The following PTPDC1 variants were observed in gnomAD, a reference collection of about 807,000 sequenced individuals.
PTPDC1 encodes protein tyrosine phosphatase domain containing 1.
In PTPDC1, 53 loss-of-function variants were observed where a neutral mutation model predicts 75.3. That is an observed-to-expected ratio of 0.70 (90% confidence interval 0.56 to 0.88). PTPDC1 has a LOEUF of 0.88. Among genes scored for constraint, PTPDC1 ranks in the 40% least tolerant of loss-of-function variants. The pLI is 0.00. For missense variants in PTPDC1, 925 were observed against 998.6 expected, an observed-to-expected ratio of 0.93 and a Z score of 0.99; for synonymous variants, 349 against 366.2, an observed-to-expected ratio of 0.95 and a Z score of 0.54.
intron 1 of PTPDC1, among the ~76,000 whole-genome samples, chr9:94,046,170 T>C (rs1449351942): frequency 1.3e-5 from 2 of 152,220 alleles, no homozygotes; most frequent in Non-Finnish European, 1.5e-5. Context: ...TGTGGCATTA[T>C]TTCTGAGGGC....
intron 1 of PTPDC1, among the ~76,000 whole-genome samples, chr9:94,034,198 A>T (rs1829780044): frequency 6.6e-6 from 1 of 152,196 alleles, no homozygotes; most frequent in South Asian, 2.1e-4. Context: ...TAAACTCTTA[A>T]GTCTTAATTA....
chr9:94,064,368 A>G (rs1826231344), intron 1 of PTPDC1, among the ~76,000 whole-genome samples: 1 of 152,244 alleles, frequency 6.6e-6, no homozygotes, highest in African/African-American at 2.4e-5. Flanking sequence ...GGTGTCTGGC[A>G]CATAGAAATA....
chr9:94,065,865 C>T (rs1428958843), intron 2 of PTPDC1, among the ~76,000 whole-genome samples: 1 of 152,162 alleles, frequency 6.6e-6, no homozygotes, highest in Non-Finnish European at 1.5e-5. Flanking sequence ...TGTCTAGTGG[C>T]TGCTTCCCTT....
chr9:94,076,046 C>T (rs1468669288), intron 2 of PTPDC1, among the ~76,000 whole-genome samples: 1 of 152,076 alleles, frequency 6.6e-6, no homozygotes, highest in African/African-American at 2.4e-5. Context: ...GTTGCCCAGG[C>T]TGCAGTGCAG....
chr9:94,085,932 T>C (rs1442219091), intron 2 of PTPDC1, among the ~76,000 whole-genome samples: 2 of 152,204 alleles, frequency 1.3e-5, no homozygotes, highest in Non-Finnish European at 2.9e-5. Context: ...TTTGCTTTTT[T>C]TATGGTGTAT....
At chr9:94,080,988 C>CTTTTTTTTTTTTTT (rs1254750314), upstream of PTPDC1, among the ~76,000 whole-genome samples, 13 of 127,552 alleles carry the variant, frequency 1.0e-4, no homozygotes, top group Non-Finnish European at 1.3e-4. Context: ...TTTTCTTTTT[C>CTTTTTTTTTTTTTT]TTTTTCTTTT....
intron 1 of PTPDC1, among the ~76,000 whole-genome samples, chr9:94,048,629 A>G (rs989395190): frequency 2.1e-4 from 32 of 151,928 alleles, no homozygotes; most frequent in Non-Finnish European, 2.4e-4. Flanking sequence ...TTCCAACTAT[A>G]TGGTCAATTT....
intron 1 of PTPDC1, among the ~76,000 whole-genome samples, chr9:94,060,469 A>C (rs1021262570): frequency 1.3e-5 from 2 of 152,226 alleles, no homozygotes; most frequent in Non-Finnish European, 2.9e-5. Flanking sequence ...TTAACTCAAC[A>C]TATACTTTTT....
chr9:94,039,675 G>T (rs1452372651), intron 1 of PTPDC1, among the ~76,000 whole-genome samples: 1 of 152,114 alleles, frequency 6.6e-6, no homozygotes, highest in Non-Finnish European at 1.5e-5. Context: ...GGTTGAGGCT[G>T]CAGTGAGCCA....
At chr9:94,042,889 A>G (rs962785362) in intron 1 of PTPDC1, among the ~76,000 whole-genome samples, 2 of 152,214 alleles carry the variant, frequency 1.3e-5, no homozygotes, top group African/African-American at 2.4e-5. Flanking sequence ...AGTTCATCAG[A>G]GGGCAGCATC....
At chr9:94,074,531 G>T (rs1826617944) in intron 2 of PTPDC1, among the ~76,000 whole-genome samples, 1 of 152,142 alleles carries the variant, frequency 6.6e-6, no homozygotes, top group African/African-American at 2.4e-5. Flanking sequence ...CTCAGGGGAG[G>T]AGAAGGTGGA....
chr9:94,047,665 T>G (rs1195385155), intron 1 of PTPDC1, among the ~76,000 whole-genome samples: 1 of 152,006 alleles, frequency 6.6e-6, no homozygotes, highest in Non-Finnish European at 1.5e-5. Context: ...ATTGATAGAC[T>G]GCTAACAAGA....
At chr9:94,099,244 T>C (rs1827746002) in intron 6 of PTPDC1, among the ~76,000 whole-genome samples, 1 of 152,234 alleles carries the variant, frequency 6.6e-6, no homozygotes, top group South Asian at 2.1e-4. Flanking sequence ...TTTACTAGGA[T>C]ACAGTCATAA....
intron 2 of PTPDC1, among the ~76,000 whole-genome samples, chr9:94,076,909 A>C (rs925389796): frequency 3.9e-5 from 6 of 152,124 alleles, no homozygotes; most frequent in African/African-American, 1.2e-4. Context: ...TTGTGATTTT[A>C]ATATGCATTT....
intron 1 of PTPDC1, among the ~76,000 whole-genome samples, chr9:94,063,066 G>T (rs968929112): frequency 3.9e-5 from 6 of 152,198 alleles, no homozygotes; most frequent in Non-Finnish European, 8.8e-5. Context: ...AGAGCAAAGA[G>T]TGAGGGCAGG....
intron 1 of PTPDC1, among the ~76,000 whole-genome samples, chr9:94,047,173 C>A (rs961043025): frequency 1.3e-5 from 2 of 152,152 alleles, no homozygotes; most frequent in Non-Finnish European, 2.9e-5. Flanking sequence ...GTTGAACCAG[C>A]CTTGCATCCC....
chr9:94,062,785 A>T (rs1340135363), intron 1 of PTPDC1, among the ~76,000 whole-genome samples: 1 of 152,210 alleles, frequency 6.6e-6, no homozygotes, highest in Admixed American at 6.5e-5. Flanking sequence ...ACAATTTGAC[A>T]TGAGATTTGG....
In PTPDC1 at chr9:94,068,868, G is replaced by A. The variant is rs987445621; in HGVS notation, c.82+4047G>A. 6.6e-5 allele frequency among the ~76,000 whole-genome samples: 10 copies of A among 152,128 alleles called. No individual in the cohort carries two copies. In the South Asian group the frequency reaches 8.3e-4, roughly 13 times the overall value. ...TTGTTCGATTATTTATTTATTTAGC[G>A]TGGATTCCTATTTTGTTCAGTGGAT... On this transcript the variant is annotated intron_variant, in intron 2 of 9. Transcript: ENST00000375360.
upstream of PTPDC1, among the ~76,000 whole-genome samples, chr9:94,080,257 T>C (rs1332254823): frequency 6.6e-6 from 1 of 152,004 alleles, no homozygotes; most frequent in Admixed American, 6.5e-5. Context: ...CTTGGTCAAT[T>C]AGGTAAATAT....
Sources: gnomAD v4.1 joint callset for allele counts (sites outside exome capture counted in the v4.1 genomes callset) on GRCh38, gnomAD v4.1.1 for gene constraint, MANE v1.5 for transcripts, NCBI Gene and HGNC (gene_info 2026-07-23, HGNC 2026-07-21) for gene names.